ORC4: variants seen among roughly 807,000 people sequenced by gnomAD.
ORC4 encodes the protein origin recognition complex, subunit 4 homolog.
ORC4 carries 55 observed loss-of-function variants against 63.9 expected under a neutral mutation model. That is an observed-to-expected ratio of 0.86 (90% CI 0.69 to 1.08). The LOEUF is 1.08. ORC4 is among the 50% of genes least tolerant of loss of function. ORC4 has a pLI of 0.00. For missense variants in ORC4, 511 were observed against 504.4 expected, an observed-to-expected ratio of 1.01 and a Z score of -0.13; for synonymous variants, 150 against 168.5, an observed-to-expected ratio of 0.89 and a Z score of 0.85.
At chr2:147,978,703 CA>C (rs1690702505) in intron 1 of ORC4, among the ~76,000 whole-genome samples, 1 of 152,084 alleles carries the variant, frequency 6.6e-6, no homozygotes, top group Admixed American at 6.5e-5. Context: ...AATATAGGTG[CA>C]AAAATCCTCA....
chr2:147,992,211 T>C (rs1057235193), intron 1 of ORC4, among the ~76,000 whole-genome samples: 2 of 152,152 alleles, frequency 1.3e-5, no homozygotes, highest in African/African-American at 4.8e-5. Context: ...ATGTGTTTAA[T>C]TGGATGGATA....
At chr2:147,950,393 G>C (rs1688884872) in intron 8 of ORC4, among the ~76,000 whole-genome samples, 1 of 152,132 alleles carries the variant, frequency 6.6e-6, no homozygotes, top group African/African-American at 2.4e-5. Flanking sequence ...ACTCCCAATG[G>C]GGAAGAAGAT....
chr2:148,013,827 G>C (rs968710541), intron 1 of ORC4, among the ~76,000 whole-genome samples: 5 of 152,096 alleles, frequency 3.3e-5, no homozygotes, highest in African/African-American at 1.2e-4. Context: ...TTTTATTTAT[G>C]GTAGTGGCAG....
At chr2:147,944,343 A>C (rs1227904309) in intron 9 of ORC4, among the ~76,000 whole-genome samples, 3 of 152,152 alleles carry the variant, frequency 2.0e-5, no homozygotes, top group Non-Finnish European at 4.4e-5. Context: ...GAAATTAAGA[A>C]AGATACCAAA....
intron 4 of ORC4, among the ~76,000 whole-genome samples, chr2:147,970,841 A>T (rs1396024407): frequency 2.0e-5 from 3 of 152,110 alleles, no homozygotes; most frequent in Non-Finnish European, 2.9e-5. Flanking sequence ...GATTATTAAG[A>T]TCAAAGACTT....
chr2:148,018,763 A>C (rs1474469526), intron 1 of ORC4, among the ~76,000 whole-genome samples: 1 of 152,224 alleles, frequency 6.6e-6, no homozygotes, highest in Non-Finnish European at 1.5e-5. Flanking sequence ...ATAGGTGGTT[A>C]AGAAATACTA....
intron 11 of ORC4, 47 bp from the exon 12 acceptor site, chr2:147,938,440 CTGAAA>C (rs1558828024): frequency 3.9e-6 from 4 of 1,029,500 alleles, no homozygotes; most frequent in Non-Finnish European, 6.2e-6. Context: ...ACATATAAGA[CTGAAA>C]TAACTGTTCT....
At chr2:147,996,978 A>C (rs1401798930) in intron 1 of ORC4, among the ~76,000 whole-genome samples, 1 of 152,218 alleles carries the variant, frequency 6.6e-6, no homozygotes, top group Non-Finnish European at 1.5e-5. Flanking sequence ...TTTATTTATA[A>C]TTGCCAAAAC....
intron 4 of ORC4, among the ~76,000 whole-genome samples, chr2:147,962,249 A>G (rs1689640848): frequency 6.6e-6 from 1 of 152,176 alleles, no homozygotes; most frequent in African/African-American, 2.4e-5. Context: ...TCCTTACCAC[A>G]GGAGAATCCC....
At chr2:148,012,394 C>A (rs559330109) in intron 1 of ORC4, among the ~76,000 whole-genome samples, 4 of 152,166 alleles carry the variant, frequency 2.6e-5, no homozygotes, top group African/African-American at 9.6e-5. Flanking sequence ...ACTGGATGCC[C>A]ACATTCAGAA....
chr2:148,018,193 A>C (rs916557520), intron 1 of ORC4, among the ~76,000 whole-genome samples: 1 of 152,266 alleles, frequency 6.6e-6, no homozygotes, highest in Non-Finnish European at 1.5e-5. Flanking sequence ...GGAAATTCAA[A>C]TAGCCGGTAA....
At chr2:147,980,993 AAAG>A (rs762350360) in intron 1 of ORC4, among the ~76,000 whole-genome samples, 10 of 152,242 alleles carry the variant, frequency 6.6e-5, no homozygotes, top group Non-Finnish European at 1.0e-4. Context: ...ATGAAAAGAT[AAAG>A]AAGATGTGGT....
chr2:148,016,995 A>G (rs552246912), intron 1 of ORC4, among the ~76,000 whole-genome samples: 2 of 152,338 alleles, frequency 1.3e-5, no homozygotes, highest in South Asian at 4.1e-4. Context: ...AAAGCAAAAA[A>G]ATTAAGAGAA....
At chr2:147,989,576 C>T (rs1691448217) in intron 1 of ORC4, among the ~76,000 whole-genome samples, 2 of 151,980 alleles carry the variant, frequency 1.3e-5, no homozygotes, top group Admixed American at 6.6e-5. Flanking sequence ...TGTGGTGGCA[C>T]GTGCCTGTAA....
At chr2:147,945,414 CA>C (rs538859062) in intron 9 of ORC4, among the ~76,000 whole-genome samples, 2 of 151,682 alleles carry the variant, frequency 1.3e-5, no homozygotes, top group African/African-American at 4.8e-5. Flanking sequence ...GCCATTTAAA[CA>C]AAAAAAATTG....
rs139839832 is a variant in ORC4, at chr2:148,011,117, C to T, written c.-18+9516G>A. ...GTTCTGGGATTACTGGCGTGAGCTACCATGCCTGGCCCCAGATTTATTCTG... is the reference window on the plus strand; with the variant it reads ...GTTCTGGGATTACTGGCGTGAGCTATCATGCCTGGCCCCAGATTTATTCTG... On this transcript the variant is annotated intron_variant, in intron 1 of 13. Coordinates refer to ENST00000392857, the MANE Select transcript of ORC4 (RefSeq NM_181741.4). Among the ~76,000 whole-genome samples the T allele has an allele frequency of 1.8e-3, 272 of 152,200 alleles. 3 individuals are homozygous for T. The highest frequency in any genetic ancestry group is 6.8e-3 in the Middle Eastern group (2 of 292).
rs1315513432 is a variant in ORC4 at position 147,935,490 on chromosome 2, G to C, written c.*20C>G. On this transcript the variant is annotated 3_prime_UTR_variant, in exon 14 of 14. Coordinates refer to ENST00000392857, the MANE Select transcript of ORC4 (RefSeq NM_181741.4). The stretch of plus-strand genomic sequence containing the variant: ...ACAGAAGTATGAATGAAATGCCAAA[G>C]TTGAAGTCACTGGTTATATTCATAA... 5 of 1,593,234 alleles carry C rather than the reference G, an allele frequency of 3.1e-6. No homozygotes were observed. The African/African-American group carries it at 6.7e-5, about 21-fold the overall frequency.
rs188472537 is a variant in ORC4, at chr2:147,973,412, T to C, written c.134+36A>G. The stretch of plus-strand genomic sequence containing the variant: ...GCAAAACCTGGAAGGCATCTGTAAG[T>C]AGGTCCATAACAGTCAAGAGGACAG... On this transcript the variant is annotated intron_variant, in intron 3 of 13. Transcript: ENST00000392857. 1.9e-5 allele frequency: 24 copies of C among 1,235,662 alleles called. No homozygotes were observed. The Admixed American group carries it at 3.0e-4, about 16-fold the overall frequency. 76.5% of individuals were successfully genotyped at this position (1,235,662 alleles called of 1,614,324 possible).
chr2:147,993,901 A>G lies in ORC4; in HGVS notation c.-17-17926T>C, dbSNP rs1016166865. The stretch of plus-strand genomic sequence containing the variant: ...TTATTATATTTTTATCATTCTTTAT[A>G]TACCTTTTCTCATCATTCTTTGTCC... On this transcript the variant is annotated intron_variant, in intron 1 of 13. Transcript: ENST00000392857. Among the ~76,000 whole-genome samples the G allele has an allele frequency of 5.9e-5, 9 of 152,158 alleles. No homozygotes were observed. The East Asian group carries it at 7.7e-4, about 13-fold the overall frequency.
Sources: gnomAD v4.1 joint callset for allele counts (sites outside exome capture counted in the v4.1 genomes callset) on GRCh38, gnomAD v4.1.1 for gene constraint, MANE v1.5 for transcripts, NCBI Gene and HGNC (gene_info 2026-07-23, HGNC 2026-07-21) for gene names.